AFG1L: variants seen among roughly 807,000 people sequenced by gnomAD.
AFG1L encodes AFG1-like ATPase.
Under a neutral mutation model 62.2 loss-of-function variants are expected in AFG1L, and 53 were observed. The observed-to-expected ratio is 0.85, with a 90% CI of 0.68 to 1.07. The LOEUF (loss-of-function observed/expected upper bound fraction) is 1.07. AFG1L is among the 50% of genes least tolerant of loss of function. AFG1L has a pLI of 0.00. For synonymous variants in AFG1L, 228 were observed against 210.3 expected (o/e 1.08, Z -0.73); for missense variants, 555 against 590.5 (o/e 0.94, Z 0.62).
chr6:108,314,055 C>G (rs1169118950), intron 1 of AFG1L, among the ~76,000 whole-genome samples: 1 of 151,940 alleles, frequency 6.6e-6, no homozygotes, highest in Non-Finnish European at 1.5e-5. Flanking sequence ...GCCAACATGA[C>G]CCCATCTCTA....
chr6:108,384,582 T>C (rs948978698), intron 6 of AFG1L, among the ~76,000 whole-genome samples: 1 of 152,198 alleles, frequency 6.6e-6, no homozygotes, highest in East Asian at 1.9e-4. Context: ...ATGAGGAAAA[T>C]GTGTCCCATT....
intron 10 of AFG1L, among the ~76,000 whole-genome samples, chr6:108,485,656 A>ATGTATCTTTTT (rs1359021647): frequency 4.0e-5 from 1 of 25,034 alleles, no homozygotes; most frequent in African/African-American, 2.6e-4. Context: ...ATATATATAT[A>ATGTATCTTTTT]TTTTTTTTTT....
chr6:108,324,881 C>T (rs1480950508), intron 2 of AFG1L, among the ~76,000 whole-genome samples: 4 of 151,964 alleles, frequency 2.6e-5, no homozygotes, highest in South Asian at 2.1e-4. Flanking sequence ...TTAGTAGAGA[C>T]GGGGTTTCAC....
rs575708579 is a variant in AFG1L, at chr6:108,347,519, A to G, written c.415+480A>G. Reference sequence around the variant, plus strand: ...AGATACTCTTAATGCATAAGTGGTAACATTTCCTTGGTCTCCCAGTTCTAG... The same window carrying G: ...AGATACTCTTAATGCATAAGTGGTAGCATTTCCTTGGTCTCCCAGTTCTAG... On this transcript the variant is annotated intron_variant, in intron 3 of 12. Transcript: ENST00000368977. 6.9e-4 allele frequency among the ~76,000 whole-genome samples: 105 copies of G among 152,306 alleles called. 1 individual carries two copies. The highest frequency in any genetic ancestry group is 3.1e-4 in the Non-Finnish European group (21 of 68,030).
chr6:108,299,886 G>C (rs1446190375), intron 1 of AFG1L, among the ~76,000 whole-genome samples: 1 of 152,168 alleles, frequency 6.6e-6, no homozygotes, highest in East Asian at 1.9e-4. Flanking sequence ...TAGGAGACTA[G>C]GAGAGAAGCC....
chr6:108,327,007 G>A (rs1778071362), intron 2 of AFG1L, among the ~76,000 whole-genome samples: 1 of 152,012 alleles, frequency 6.6e-6, no homozygotes, highest in African/African-American at 2.4e-5. Flanking sequence ...AGCACTTTGG[G>A]AGGCCAGGGT....
intron 1 of AFG1L, among the ~76,000 whole-genome samples, chr6:108,314,219 G>A (rs1026277467): frequency 6.6e-6 from 1 of 151,668 alleles, no homozygotes; most frequent in South Asian, 2.1e-4. Context: ...CAACAAGGGC[G>A]GAACTCTATC....
intron 8 of AFG1L, among the ~76,000 whole-genome samples, chr6:108,466,885 G>C (rs561390286): frequency 2.6e-5 from 4 of 151,650 alleles, no homozygotes; most frequent in Admixed American, 2.6e-4. Context: ...CCGGTAAAAT[G>C]ATAATAAATT....
chr6:108,389,666 G>T (rs192809609), intron 6 of AFG1L, among the ~76,000 whole-genome samples: 1 of 152,026 alleles, frequency 6.6e-6, no homozygotes, highest in Non-Finnish European at 1.5e-5. Context: ...TGAAATTCTG[G>T]GTTGAAAATT....
chr6:108,415,751 A>G (rs1770232918), intron 7 of AFG1L, among the ~76,000 whole-genome samples: 1 of 152,182 alleles, frequency 6.6e-6, no homozygotes, highest in African/African-American at 2.4e-5. Context: ...CCTTCCTTAC[A>G]CCTTATACAA....
rs143663203 is a variant in AFG1L at position 108,377,575 on chromosome 6, A to G, written c.748+11243A>G. Among the ~76,000 whole-genome samples, 10 of 152,080 alleles carry G rather than the reference A, an allele frequency of 6.6e-5. 1 individual carries two copies. The highest frequency in any genetic ancestry group is 1.9e-4 in the East Asian group (1 of 5,182). On this transcript the variant is annotated intron_variant, in intron 6 of 12. Coordinates refer to ENST00000368977, the MANE Select transcript of AFG1L (RefSeq NM_145315.5). ...TAAGAATGCTGATAATTGGCTCCCAATCTCTCCTGGTTTGCAAGGTTTCTG... is the reference window on the plus strand; with the variant it reads ...TAAGAATGCTGATAATTGGCTCCCAGTCTCTCCTGGTTTGCAAGGTTTCTG...
chr6:108,435,757 T>A (rs1306231029), intron 7 of AFG1L, among the ~76,000 whole-genome samples: 1 of 152,194 alleles, frequency 6.6e-6, no homozygotes, highest in Non-Finnish European at 1.5e-5. Flanking sequence ...GTTGCTGACC[T>A]TATAACTGGC....
At chr6:108,461,325 A>G (rs1772455400) in intron 8 of AFG1L, among the ~76,000 whole-genome samples, 1 of 152,194 alleles carries the variant, frequency 6.6e-6, no homozygotes, top group African/African-American at 2.4e-5. Context: ...TCTTTGTCAT[A>G]AGAACTCCTG....
At chr6:108,427,797 CAGGCGTG>C (rs953313902) in intron 7 of AFG1L, among the ~76,000 whole-genome samples, 1 of 152,184 alleles carries the variant, frequency 6.6e-6, no homozygotes, top group African/African-American at 2.4e-5. Context: ...GCTGGGATTA[CAGGCGTG>C]AGCCACCACC....
intron 6 of AFG1L, among the ~76,000 whole-genome samples, chr6:108,383,361 A>G (rs923865648): frequency 6.6e-6 from 1 of 152,250 alleles, no homozygotes; most frequent in South Asian, 2.1e-4. Flanking sequence ...AAATCAGGAA[A>G]ACATAGACTC....
intron 6 of AFG1L, among the ~76,000 whole-genome samples, chr6:108,371,240 A>C (rs1779989244): frequency 6.6e-6 from 1 of 152,046 alleles, no homozygotes; most frequent in South Asian, 2.1e-4. Flanking sequence ...ACTGGAGTGT[A>C]GTGGTGTGAT....
intron 1 of AFG1L, among the ~76,000 whole-genome samples, chr6:108,297,574 G>T (rs904903374): frequency 6.6e-6 from 1 of 151,842 alleles, no homozygotes; most frequent in Non-Finnish European, 1.5e-5. Context: ...GTGTAATGTG[G>T]CTGGGTGTGG....
At chr6:108,509,951 G>A (rs1248414843) in intron 10 of AFG1L, among the ~76,000 whole-genome samples, 2 of 152,040 alleles carry the variant, frequency 1.3e-5, no homozygotes, top group African/African-American at 4.8e-5. Flanking sequence ...CTCATATTAG[G>A]TATGTAGTTA....
At chr6:108,370,118 G>T (rs72936784) in intron 6 of AFG1L, among the ~76,000 whole-genome samples, 13,099 of 115,270 alleles carry the variant, frequency 0.11, 766 homozygotes, top group South Asian at 0.27. Context: ...GGGGGAGAAG[G>T]ATGCAGTAAG....
Sources: allele counts gnomAD v4.1 joint callset (sites outside exome capture counted in the v4.1 genomes callset), GRCh38; gene constraint gnomAD v4.1.1; transcripts MANE v1.5; gene names NCBI Gene and HGNC (gene_info 2026-07-23, HGNC 2026-07-21).